Variants in FAM135B observed in about 807,000 individuals in gnomAD.
FAM135B encodes protein FAM135B.
FAM135B carries 43 observed loss-of-function variants against 127.7 expected under a neutral mutation model. That is an observed-to-expected ratio of 0.34 (90% CI 0.26 to 0.43). The LOEUF (loss-of-function observed/expected upper bound fraction) is 0.43. Ranked by LOEUF, FAM135B falls within the 20% of genes least tolerant of loss-of-function variation. The probability of loss-of-function intolerance (pLI) is 1.00; values close to 1 mark genes in which losing one functional copy is unlikely to be tolerated. For synonymous variants in FAM135B, 670 were observed against 665.1 expected (o/e 1.01, Z -0.11); for missense variants, 1,558 against 1,725.6 (o/e 0.90, Z 1.72).
chr8:138,493,221 G>A (rs1002091652), intron 1 of FAM135B, among the ~76,000 whole-genome samples: 3 of 152,226 alleles, frequency 2.0e-5, no homozygotes, highest in Admixed American at 6.5e-5. Context: ...AGATATTAGC[G>A]ATGTCCGTGA....
chr8:138,280,363 G>A (rs1322849943), intron 3 of FAM135B, among the ~76,000 whole-genome samples: 2 of 151,578 alleles, frequency 1.3e-5, no homozygotes, highest in South Asian at 2.1e-4. Flanking sequence ...CTACCAGATG[G>A]CCTGTTCTCC....
chr8:138,341,416 C>T lies in FAM135B; in HGVS notation c.77+26491G>A, dbSNP rs147130705. Reference sequence around the variant, plus strand: ...GTGGTTGCCAGGGCAGGGAGAAAGGCAGGAACTGGGTTAGTTAAAATAGTT... The same window carrying T: ...GTGGTTGCCAGGGCAGGGAGAAAGGTAGGAACTGGGTTAGTTAAAATAGTT... On this transcript the variant is annotated intron_variant, in intron 2 of 19. Coordinates refer to ENST00000395297, the MANE Select transcript of FAM135B (RefSeq NM_015912.4). Among the ~76,000 whole-genome samples the T allele has an allele frequency of 4.1e-3, 620 of 152,250 alleles. 7 individuals carry two copies. The highest frequency in any genetic ancestry group is 0.014 in the African/African-American group (601 of 41,552).
intron 9 of FAM135B, among the ~76,000 whole-genome samples, chr8:138,191,170 T>C (rs958065232): frequency 1.3e-5 from 2 of 152,240 alleles, no homozygotes; most frequent in Non-Finnish European, 2.9e-5. Context: ...GGCGGCATTT[T>C]GCCCCAAGCT....
rs201549461 is a variant in FAM135B, at chr8:138,197,581, C to T, written c.758G>A (p.Arg253Gln). The change falls in exon 8 of 20, where the codon CGG becomes CAG. Residue 253 changes from arginine (R) to glutamine (Q), a missense_variant. Coordinates refer to ENST00000395297, the MANE Select transcript of FAM135B (RefSeq NM_015912.4). ...DLCLLLLHAY[R>Q]GLRLHFLVIM... ...CACCAGGAAGTGGAGACGGAGACCCCGGTAAGCGTGGAGGAGCAACAGGCA... is the reference window on the plus strand; with the variant it reads ...CACCAGGAAGTGGAGACGGAGACCCTGGTAAGCGTGGAGGAGCAACAGGCA... 665 of 1,613,848 alleles carry T rather than the reference C, an allele frequency of 4.1e-4. No individual in the cohort carries two copies. Among genetic ancestry groups the T allele is most frequent in the Non-Finnish European group, 5.2e-4 (614 of 1,179,984 alleles).
At chr8:138,218,144 A>G (rs1189207052) in intron 7 of FAM135B, among the ~76,000 whole-genome samples, 1 of 152,226 alleles carries the variant, frequency 6.6e-6, no homozygotes, top group African/African-American at 2.4e-5. Context: ...TTTAGGGGAA[A>G]ATAAAAATGG....
chr8:138,132,576 C>T lies in FAM135B; in HGVS notation c.*17G>A, dbSNP rs2130480048. Reference sequence around the variant, plus strand: ...ACCGATCGTAAGCATTACCAAAGACCTGCTCCCTCAAAGCCACTACTTGAA... The same window carrying T: ...ACCGATCGTAAGCATTACCAAAGACTTGCTCCCTCAAAGCCACTACTTGAA... On this transcript the variant is annotated 3_prime_UTR_variant, in exon 20 of 20. Transcript: ENST00000395297. This position sits in a 1 kb window ranked among gnomAD's most constrained non-coding sequence, Gnocchi z 4.5. 6.2e-7 allele frequency: 1 copy of T among 1,606,946 alleles called. No individual in the cohort carries two copies. The highest frequency in any genetic ancestry group is 8.5e-7 in the Non-Finnish European group (1 of 1,173,590).
At chr8:138,145,525 C>T (rs1166142101) in intron 15 of FAM135B, among the ~76,000 whole-genome samples, 1 of 152,126 alleles carries the variant, frequency 6.6e-6, no homozygotes, top group African/African-American at 2.4e-5. Context: ...AATGGGGAAA[C>T]AGGTACGGAG....
chr8:138,345,962 G>T (rs1829380490), intron 2 of FAM135B, among the ~76,000 whole-genome samples: 1 of 151,972 alleles, frequency 6.6e-6, no homozygotes, highest in African/African-American at 2.4e-5. Context: ...AAATTTACAA[G>T]AAAAAAACAA....
At chr8:138,497,520 C>T (rs1304839018), upstream of FAM135B, among the ~76,000 whole-genome samples, 1 of 152,078 alleles carries the variant, frequency 6.6e-6, no homozygotes, top group African/African-American at 2.4e-5. Context: ...TATCCGGGGG[C>T]GGGGCGCGGC....
chr8:138,234,304 T>C (rs1001891633), intron 7 of FAM135B, among the ~76,000 whole-genome samples: 4 of 152,190 alleles, frequency 2.6e-5, no homozygotes, highest in African/African-American at 7.2e-5. Context: ...AAAAACAATA[T>C]GGCGGCTTCT....
intron 11 of FAM135B, among the ~76,000 whole-genome samples, chr8:138,173,287 G>C (rs965771196): frequency 6.6e-6 from 1 of 152,114 alleles, no homozygotes; most frequent in Non-Finnish European, 1.5e-5. Context: ...GAAAGCATAA[G>C]AACACTTCTG....
At chr8:138,328,942 C>A (rs1008602064) in intron 2 of FAM135B, among the ~76,000 whole-genome samples, 20 of 152,090 alleles carry the variant, frequency 1.3e-4, no homozygotes, top group African/African-American at 4.1e-4. Context: ...ATGCATGATG[C>A]CTAACTTATC....
chr8:138,151,198 A>G lies in FAM135B; in HGVS notation c.3277T>C (p.Phe1093Leu). The change falls in exon 13 of 20, where the codon TTT becomes CTT. Residue 1093 changes from phenylalanine to leucine, a missense_variant. This residue lies in a region of FAM135B where 923 missense variants were observed against 865.3 expected (regional missense o/e 1.07). Coordinates refer to ENST00000395297, the MANE Select transcript of FAM135B (RefSeq NM_015912.4). Reference protein sequence around the residue: ...TLDEEVSERMFSFYQAKEKFK... With the variant: ...TLDEEVSERMLSFYQAKEKFK... ...TAAGCCCGTCAGCCAGCTTACCTAA[A>G]CATCCTCTCACTGACTTCCTCATCC... 1 of 1,524,540 alleles carries G rather than the reference A, an allele frequency of 6.6e-7. No homozygotes were observed. The highest frequency in any genetic ancestry group is 8.8e-7 in the Non-Finnish European group (1 of 1,136,562). 94.4% of individuals were successfully genotyped at this position (1,524,540 alleles called of 1,614,324 possible). A position where few individuals can be genotyped will look rare whatever the true frequency, so the allele number is the denominator to read the frequency against.
intron 7 of FAM135B, among the ~76,000 whole-genome samples, chr8:138,202,116 ACT>A (rs566658768): frequency 0.022 from 2,100 of 96,608 alleles, 74 homozygotes; most frequent in African/African-American, 0.073. Flanking sequence ...CAAGAATGAA[ACT>A]CTGTCTCAAA....
rs1816768715 is a variant in FAM135B, at chr8:138,197,684, A to C, written c.670-15T>G. 1.4e-5 allele frequency: 22 copies of C among 1,610,996 alleles called. No individual in the cohort carries two copies. The highest frequency in any genetic ancestry group is 1.9e-5 in the Non-Finnish European group (22 of 1,177,394). ...TAGAAGCTTCCCTAAGGGGTGAAACAGAAACAGAGGCTGAGGAATATTGCA... is the reference window on the plus strand; with the variant it reads ...TAGAAGCTTCCCTAAGGGGTGAAACCGAAACAGAGGCTGAGGAATATTGCA... On this transcript the variant is annotated splice_polypyrimidine_tract_variant and intron_variant, in intron 7 of 19. Transcript: ENST00000395297.
At chr8:138,199,756 G>A (rs952281074) in intron 7 of FAM135B, among the ~76,000 whole-genome samples, 16 of 152,254 alleles carry the variant, frequency 1.1e-4, no homozygotes, top group Non-Finnish European at 2.1e-4. Flanking sequence ...ATGCAAAGAA[G>A]GAACTTCCAA....
At chr8:138,390,451 C>T (rs187841725) in intron 1 of FAM135B, among the ~76,000 whole-genome samples, 3 of 152,030 alleles carry the variant, frequency 2.0e-5, no homozygotes, top group African/African-American at 7.3e-5. Flanking sequence ...GGCCTCCCCA[C>T]CCACATGGAA....
At chr8:138,380,873 T>G (rs1456076777) in intron 1 of FAM135B, among the ~76,000 whole-genome samples, 1 of 151,836 alleles carries the variant, frequency 6.6e-6, no homozygotes, top group Admixed American at 6.6e-5. Flanking sequence ...CATCGGGTAA[T>G]GGATAACATC....
At chr8:138,300,997 A>G (rs1235310233) in intron 3 of FAM135B, among the ~76,000 whole-genome samples, 2 of 151,938 alleles carry the variant, frequency 1.3e-5, no homozygotes, top group Admixed American at 1.3e-4. Flanking sequence ...TGATCTGCCC[A>G]CCTCGGCCTC....
Sources: gnomAD v4.1 joint callset for allele counts (sites outside exome capture counted in the v4.1 genomes callset) on GRCh38, gnomAD v4.1.1 for gene constraint, gnomAD v4.1.1 regional missense constraint, Gnocchi (gnomAD v3.1) non-coding constraint, MANE v1.5 for transcripts, NCBI Gene and HGNC (gene_info 2026-07-23, HGNC 2026-07-21) for gene names.